DLGAP3: variants seen among roughly 807,000 people sequenced by gnomAD.
DLGAP3 encodes the protein disks large-associated protein 3.
In DLGAP3, 17 loss-of-function variants were observed where a neutral mutation model predicts 81.2. The ratio of observed to expected loss-of-function variants is 0.21; its 90% CI spans 0.14 to 0.31. DLGAP3 has a LOEUF of 0.31. DLGAP3 is among the 10% of genes least tolerant of loss of function. The pLI is 1.00. For missense variants in DLGAP3, 1,124 were observed against 1,388.0 expected, an observed-to-expected ratio of 0.81 and a Z score of 3.02; for synonymous variants, 577 against 587.4, an observed-to-expected ratio of 0.98 and a Z score of 0.26.
intron 1 of DLGAP3, among the ~76,000 whole-genome samples, chr1:34,914,568 G>A (rs1382409461): frequency 1.3e-5 from 2 of 152,188 alleles, no homozygotes; most frequent in Non-Finnish European, 2.9e-5. Flanking sequence ...CCACTTACTA[G>A]ACGTGTGGCC....
chr1:34,900,008 C>T lies in DLGAP3; in HGVS notation c.1313+60G>A. ...ACTGGCACCCACTCTACACACATCTCCCGCAGGAGTCCAGCATCAGCCTCC... is the reference window on the plus strand; with the variant it reads ...ACTGGCACCCACTCTACACACATCTTCCGCAGGAGTCCAGCATCAGCCTCC... On this transcript the variant is annotated intron_variant, in intron 4 of 11. Coordinates refer to ENST00000373347, the MANE Select transcript of DLGAP3 (RefSeq NM_001080418.3). This position sits in a 1 kb window ranked among gnomAD's most constrained non-coding sequence, Gnocchi z 5.6. 8 of 1,443,940 alleles carry T rather than the reference C, an allele frequency of 5.5e-6. No individual in the cohort carries two copies. Among genetic ancestry groups the T allele is most frequent in the Non-Finnish European group, 7.7e-6 (8 of 1,042,806 alleles). 89.4% of individuals were successfully genotyped at this position (1,443,940 alleles called of 1,614,324 possible).
intron 5 of DLGAP3, among the ~76,000 whole-genome samples, chr1:34,891,946 C>T (rs1639317522): frequency 6.6e-6 from 1 of 152,202 alleles, no homozygotes; most frequent in Non-Finnish European, 1.5e-5. Flanking sequence ...TCTAGAATTA[C>T]TACAATATAT....
intron 1 of DLGAP3, among the ~76,000 whole-genome samples, chr1:34,928,190 G>A (rs966495557): frequency 2.0e-5 from 3 of 152,024 alleles, no homozygotes; most frequent in Non-Finnish European, 4.4e-5. Flanking sequence ...AGACCCACCC[G>A]GAGCCAGTGG....
In DLGAP3 at chr1:34,865,793, GATGGTGCCC is replaced by G. The variant is rs1437006451; in HGVS notation, c.*281_*289del. On this transcript the variant is annotated 3_prime_UTR_variant, in exon 12 of 12. Coordinates refer to ENST00000373347, the MANE Select transcript of DLGAP3 (RefSeq NM_001080418.3). ...GGCCCGTGGGGGAAAGAATGGCAGA[GATGGTGCCC>G]ATGGGGAGGAGGTGGGGACAAAGCG... is the stretch of plus-strand genomic sequence containing the variant. 2.0e-6 allele frequency: 1 copy of G among 508,404 alleles called. No individual in the cohort carries two copies. The highest frequency in any genetic ancestry group is 3.5e-6 in the Non-Finnish European group (1 of 283,204). The allele number at this position is 508,404 out of a possible 1,614,324, so 31.5% of individuals were successfully genotyped here.
chr1:34,906,657 T>C (rs1168626998), intron 2 of DLGAP3, among the ~76,000 whole-genome samples: 1 of 131,358 alleles, frequency 7.6e-6, no homozygotes, highest in African/African-American at 2.5e-5. Context: ...GGAAAATCCA[T>C]AAAGAAGAAG....
rs1639507899 is a variant in DLGAP3, at chr1:34,904,360, C to T, written c.1024G>A (p.Asp342Asn). 6.2e-7 allele frequency: 1 copy of T among 1,613,006 alleles called. No individual in the cohort carries two copies. The change falls in exon 3 of 12, where the codon GAT (aspartate) becomes AAT (asparagine). Residue 342 changes from aspartate to asparagine, a missense_variant. Coordinates refer to ENST00000373347, the MANE Select transcript of DLGAP3 (RefSeq NM_001080418.3). This position sits in a 1 kb window ranked among gnomAD's most constrained non-coding sequence, Gnocchi z 8.1. ...CCTGGCCCGGCCCCCGGGTATCCATCCCGGCCCTGGCTGACCATCATGGTA... is the reference window on the plus strand; with the variant it reads ...CCTGGCCCGGCCCCCGGGTATCCATTCCGGCCCTGGCTGACCATCATGGTA... ...WHTMMVSQGR[D>N]GYPGAGPGKG...
chr1:34,917,766 C>T (rs1430301047), intron 1 of DLGAP3, among the ~76,000 whole-genome samples: 1 of 152,178 alleles, frequency 6.6e-6, no homozygotes, highest in Non-Finnish European at 1.5e-5. Flanking sequence ...ATTTAGGCAC[C>T]CACATCTGCT....
intron 11 of DLGAP3, 91 bp downstream of exon 11, chr1:34,866,957 C>G: frequency 2.0e-6 from 3 of 1,472,814 alleles, no homozygotes; most frequent in Non-Finnish European, 2.8e-6. Context: ...GATCCCTTCC[C>G]CTGCCCCCTT....
rs773642844 is a variant in DLGAP3, at chr1:34,865,990, CG to C, written c.*92del. On this transcript the variant is annotated 3_prime_UTR_variant, in exon 12 of 12. Coordinates refer to ENST00000373347, the MANE Select transcript of DLGAP3 (RefSeq NM_001080418.3). ...GTCCGGTGCCGGTGGGGCGGGCGCA[CG>C]GGGCGGCCCGCGTTCACAGTGACCT... 1 of 1,145,058 alleles carries C rather than the reference CG, an allele frequency of 8.7e-7. No homozygotes were observed. The highest frequency in any genetic ancestry group is 1.2e-6 in the Non-Finnish European group (1 of 808,586). The allele number at this position is 1,145,058 out of a possible 1,614,324, so 70.9% of individuals were successfully genotyped here. A position where few individuals can be genotyped will look rare whatever the true frequency, so the allele number is the denominator to read the frequency against.
intron 5 of DLGAP3, among the ~76,000 whole-genome samples, chr1:34,890,649 C>T (rs1639297216): frequency 6.6e-6 from 1 of 152,106 alleles, no homozygotes; most frequent in Non-Finnish European, 1.5e-5. Flanking sequence ...AATTGATGTC[C>T]CTGGTTAGTA....
intron 5 of DLGAP3, among the ~76,000 whole-genome samples, chr1:34,889,984 A>T (rs1639288908): frequency 6.6e-6 from 1 of 152,220 alleles, no homozygotes; most frequent in Admixed American, 6.5e-5. Context: ...GTGGAATTGG[A>T]AAGGAGAACC....
At chr1:34,921,092 T>G (rs1639789114) in intron 1 of DLGAP3, among the ~76,000 whole-genome samples, 1 of 152,142 alleles carries the variant, frequency 6.6e-6, no homozygotes, top group African/African-American at 2.4e-5. Context: ...CAAGGAACTG[T>G]GCTTTTTATG....
chr1:34,924,915 G>C (rs1639846186), intron 1 of DLGAP3, among the ~76,000 whole-genome samples: 2 of 152,176 alleles, frequency 1.3e-5, no homozygotes, highest in Admixed American at 6.5e-5. Flanking sequence ...AATTTTTCTA[G>C]TGAGCCCTCC....
At chr1:34,890,821 C>G (rs1557475535) in intron 5 of DLGAP3, among the ~76,000 whole-genome samples, 1 of 152,206 alleles carries the variant, frequency 6.6e-6, no homozygotes, top group Non-Finnish European at 1.5e-5. Context: ...ACTCAGATTC[C>G]TGATCCACAG....
In DLGAP3 at chr1:34,885,786, T is replaced by C; in HGVS notation, c.1606A>G (p.Asn536Asp). The C allele has an allele frequency of 4.3e-6, 6 of 1,407,608 alleles. No individual in the cohort carries two copies. Among genetic ancestry groups the C allele is most frequent in the Non-Finnish European group, 4.6e-6 (5 of 1,087,918 alleles). 87.2% of individuals were successfully genotyped at this position (1,407,608 alleles called of 1,614,324 possible). The stretch of plus-strand genomic sequence containing the variant: ...ATGGGGGGCGGGGCCTTTCTGAAGT[T>C]GAAGGCTGTGGCCGGCGAGCGCAGA... ...AVSGRPGSSF[N>D]FRKAPPPIPP... Residue 536 changes from asparagine (N) to aspartate (D), a missense_variant, in exon 7 of 12, where the codon AAC (asparagine) becomes GAC (aspartate). Coordinates refer to ENST00000373347, the MANE Select transcript of DLGAP3 (RefSeq NM_001080418.3).
In DLGAP3 at chr1:34,906,016, T is replaced by TTATATATATA. The variant is rs150603784; in HGVS notation, c.-51-592_-51-583dup. ...ACAGAGCGAGACCTGGCCTCTAAAT[T>TTATATATATA]TATATATATATATATATTTGTTTGT... is the stretch of plus-strand genomic sequence containing the variant. On this transcript the variant is annotated intron_variant, in intron 2 of 11. Transcript: ENST00000373347. Among the ~76,000 whole-genome samples the TTATATATATA allele has an allele frequency of 7.6e-4, 49 of 64,800 alleles. 9 individuals are homozygous for TTATATATATA. Among genetic ancestry groups the TTATATATATA allele is most frequent in the East Asian group, 3.4e-3 (3 of 870 alleles). 42.5% of individuals were successfully genotyped at this position (64,800 alleles called of 152,430 possible). A position where few individuals can be genotyped will look rare whatever the true frequency, so the allele number is the denominator to read the frequency against.
intron 5 of DLGAP3, among the ~76,000 whole-genome samples, chr1:34,890,890 A>G (rs1397468598): frequency 6.6e-6 from 1 of 152,286 alleles, no homozygotes; most frequent in Non-Finnish European, 1.5e-5. Context: ...GATAACTTAC[A>G]TAGCAATAGA....
intron 1 of DLGAP3, among the ~76,000 whole-genome samples, chr1:34,928,553 CA>C (rs1255104118): frequency 2.0e-5 from 3 of 152,118 alleles, no homozygotes; most frequent in African/African-American, 7.2e-5. Flanking sequence ...AATCAAGGGT[CA>C]GGGGTCCCCA....
rs1553123264 is a variant in DLGAP3 at position 34,900,389 on chromosome 1, G to A, written c.1108-116C>T. The A allele has an allele frequency of 4.7e-6, 5 of 1,074,950 alleles. No individual in the cohort carries two copies. In the South Asian group the frequency reaches 6.4e-5, roughly 14 times the overall value. The allele number at this position is 1,074,950 out of a possible 1,614,324, so 66.6% of individuals were successfully genotyped here. On this transcript the variant is annotated intron_variant, in intron 3 of 11. Transcript: ENST00000373347. This position sits in a 1 kb window ranked among gnomAD's most constrained non-coding sequence, Gnocchi z 5.6. Reference sequence around the variant, plus strand: ...GCCCTGGCTTGAACAGGCACACTCAGGTACATGCAGAGGCAGAAGGGGAGG... The same window carrying A: ...GCCCTGGCTTGAACAGGCACACTCAAGTACATGCAGAGGCAGAAGGGGAGG...
Sources: gnomAD v4.1 joint callset for allele counts (sites outside exome capture counted in the v4.1 genomes callset) on GRCh38, gnomAD v4.1.1 for gene constraint, Gnocchi (gnomAD v3.1) non-coding constraint, MANE v1.5 for transcripts, NCBI Gene and HGNC (gene_info 2026-07-23, HGNC 2026-07-21) for gene names.